The following PARD3B variants were observed in gnomAD, a reference collection of about 807,000 sequenced individuals.
PARD3B encodes par-3 family cell polarity regulator beta, also known as partitioning defective 3 homolog B.
PARD3B carries 103 observed loss-of-function variants against 130.2 expected under a neutral mutation model. The ratio of observed to expected loss-of-function variants is 0.79; its 90% CI spans 0.67 to 0.93. PARD3B has a LOEUF of 0.93. Ranked by LOEUF, PARD3B falls within the 40% of genes least tolerant of loss-of-function variation. The pLI is 0.00. For missense variants in PARD3B, 1,609 were observed against 1,499.2 expected (o/e 1.07, Z -1.21); for synonymous variants, 583 against 553.2 (o/e 1.05, Z -0.76).
chr2:205,076,746 G>A (rs958981290), intron 4 of PARD3B, among the ~76,000 whole-genome samples: 1 of 151,826 alleles, frequency 6.6e-6, no homozygotes, highest in Non-Finnish European at 1.5e-5. Flanking sequence ...GATCAGAGGT[G>A]GAACCATTTC....
chr2:204,570,131 A>C (rs2031905681), intron 1 of PARD3B, among the ~76,000 whole-genome samples: 1 of 152,208 alleles, frequency 6.6e-6, no homozygotes, highest in African/African-American at 2.4e-5. Flanking sequence ...AAAGGGAATG[A>C]AATTTCATAG....
At position 205,091,500 on chromosome 2, in the gene PARD3B, T is replaced by C. The variant is rs1049323480; in HGVS notation, c.505-12926T>C. Among the ~76,000 whole-genome samples the C allele has an allele frequency of 2.0e-5, 3 of 152,202 alleles. No homozygotes were observed. Among genetic ancestry groups the C allele is most frequent in the African/African-American group, 7.2e-5 (3 of 41,460 alleles). On this transcript the variant is annotated intron_variant, in intron 4 of 22. Transcript: ENST00000406610. The surrounding 1 kb of genome is among the most constrained non-coding windows in gnomAD (Gnocchi z 4.2). Reference sequence around the variant, plus strand: ...CACTCAGGCTTGTTGTTGTTGTTTCTAGCAACCACCACCTCTCCTATTTAG... The same window carrying C: ...CACTCAGGCTTGTTGTTGTTGTTTCCAGCAACCACCACCTCTCCTATTTAG...
rs1017341768 is a variant in PARD3B, at chr2:205,431,475, AT to A, written c.2742-8883del. On this transcript the variant is annotated intron_variant, in intron 19 of 22. Transcript: ENST00000406610. Reference sequence around the variant, plus strand: ...ATATCTGAAAGTTTTCATTATATCAATTTTTTTTTTTTGAGACAGAGTCTTG... The same window carrying A: ...ATATCTGAAAGTTTTCATTATATCAATTTTTTTTTTTGAGACAGAGTCTTG... Among the ~76,000 whole-genome samples the A allele has an allele frequency of 9.2e-4, 136 of 147,480 alleles. 1 individual carries two copies. Among genetic ancestry groups the A allele is most frequent in the Middle Eastern group, 7.0e-3 (2 of 284 alleles).
At chr2:205,417,067 T>C (rs1450297427) in intron 19 of PARD3B, among the ~76,000 whole-genome samples, 3 of 142,196 alleles carry the variant, frequency 2.1e-5, no homozygotes, top group African/African-American at 7.8e-5. Flanking sequence ...CTCCTAATGC[T>C]ATCCCTCCCC....
intron 19 of PARD3B, among the ~76,000 whole-genome samples, 166 bp downstream of exon 19, chr2:205,401,289 T>G (rs1179963752): frequency 6.6e-6 from 1 of 152,324 alleles, no homozygotes; most frequent in Non-Finnish European, 1.5e-5. Flanking sequence ...TCTGGAAATT[T>G]TTATTCTATT....
chr2:204,830,101 T>C (rs2043755240), intron 2 of PARD3B, among the ~76,000 whole-genome samples: 2 of 151,964 alleles, frequency 1.3e-5, no homozygotes, highest in South Asian at 4.2e-4. Flanking sequence ...TTTGCCTTTC[T>C]ACCATGATTG....
At chr2:204,759,883 ATC>A (rs1369116090) in intron 2 of PARD3B, among the ~76,000 whole-genome samples, 1 of 152,022 alleles carries the variant, frequency 6.6e-6, no homozygotes, top group African/African-American at 2.4e-5. Context: ...GTCTAATGTA[ATC>A]TGTTTTTTGT....
chr2:204,571,515 C>CT (rs2032004257), intron 1 of PARD3B, among the ~76,000 whole-genome samples: 1 of 152,184 alleles, frequency 6.6e-6, no homozygotes, highest in Admixed American at 6.5e-5. Context: ...TTTCTGAGCT[C>CT]TAAGTTTCTC....
chr2:205,211,593 A>G (rs865867105), intron 15 of PARD3B, among the ~76,000 whole-genome samples: 6 of 152,244 alleles, frequency 3.9e-5, no homozygotes, highest in Middle Eastern at 6.8e-3. Context: ...ATAACACTAC[A>G]AATTGTGGAA....
At chr2:204,581,377 C>T (rs2032544845) in intron 1 of PARD3B, among the ~76,000 whole-genome samples, 1 of 152,078 alleles carries the variant, frequency 6.6e-6, no homozygotes, top group African/African-American at 2.4e-5. Flanking sequence ...TAAAGCCTTG[C>T]CGTGTTCTTG....
intron 3 of PARD3B, among the ~76,000 whole-genome samples, chr2:205,018,833 G>C (rs1319199919): frequency 7.0e-6 from 1 of 142,026 alleles, no homozygotes; most frequent in Admixed American, 7.3e-5. Flanking sequence ...AATGAGTTTT[G>C]CTGTTAAAGA....
intron 3 of PARD3B, among the ~76,000 whole-genome samples, chr2:204,983,129 C>G (rs1692818798): frequency 6.6e-6 from 1 of 152,024 alleles, no homozygotes; most frequent in Admixed American, 6.5e-5. Context: ...GCTCGGTGAC[C>G]TGAAGCATTG....
At chr2:205,238,872 A>G (rs1190708601) in intron 15 of PARD3B, among the ~76,000 whole-genome samples, 9 of 98,368 alleles carry the variant, frequency 9.1e-5, no homozygotes, top group Non-Finnish European at 1.3e-4. Flanking sequence ...ATATATATAT[A>G]TATATGTATG....
intron 2 of PARD3B, among the ~76,000 whole-genome samples, chr2:204,792,582 A>T (rs897505350): frequency 2.0e-5 from 3 of 152,114 alleles, no homozygotes; most frequent in Admixed American, 2.0e-4. Context: ...AGAAGAAAAC[A>T]TTTGGAATTT....
chr2:205,245,321 G>A (rs2039524170), intron 15 of PARD3B, among the ~76,000 whole-genome samples: 2 of 152,038 alleles, frequency 1.3e-5, no homozygotes, highest in South Asian at 4.1e-4. Flanking sequence ...TTGTTTCAAG[G>A]GGAATTACAA....
At chr2:205,172,131 C>A in intron 11 of PARD3B, 80 bp from the exon 12 acceptor site, 2 of 1,396,182 alleles carry the variant, frequency 1.4e-6, no homozygotes, top group Non-Finnish European at 9.7e-7. Flanking sequence ...CATTTTTAAA[C>A]TTGAACTTTT....
intron 2 of PARD3B, among the ~76,000 whole-genome samples, chr2:204,765,389 A>G (rs185836318): frequency 2.2e-4 from 34 of 152,274 alleles, no homozygotes; most frequent in Admixed American, 2.0e-3. Context: ...TTCTTGCTGC[A>G]AGAAGATCAG....
chr2:205,421,140 AAAAAC>A lies in PARD3B; in HGVS notation c.2742-19220_2742-19216del, dbSNP rs1401826489. Among the ~76,000 whole-genome samples the A allele has an allele frequency of 1.3e-5, 2 of 152,012 alleles. No individual in the cohort carries two copies. Among genetic ancestry groups the A allele is most frequent in the Non-Finnish European group, 2.9e-5 (2 of 68,020 alleles). ...GCAAGACTCCATCTCAAAAAACAAA[AAAAAC>A]AAAACAAAAAAAACGGAAAAGAAAA... On this transcript the variant is annotated intron_variant, in intron 19 of 22. Coordinates refer to ENST00000406610, the MANE Select transcript of PARD3B (RefSeq NM_001302769.2). This position sits in a 1 kb window ranked among gnomAD's most constrained non-coding sequence, Gnocchi z 5.1.
At chr2:205,040,811 G>A (rs1431285867) in intron 3 of PARD3B, among the ~76,000 whole-genome samples, 1 of 152,020 alleles carries the variant, frequency 6.6e-6, no homozygotes, top group Non-Finnish European at 1.5e-5. Context: ...TGGAAGGAGA[G>A]TGTGTTTTTT....
Sources: gnomAD v4.1 joint callset for allele counts (sites outside exome capture counted in the v4.1 genomes callset) on GRCh38, gnomAD v4.1.1 for gene constraint, Gnocchi (gnomAD v3.1) non-coding constraint, MANE v1.5 for transcripts, NCBI Gene and HGNC (gene_info 2026-07-23, HGNC 2026-07-21) for gene names.